Variants in TKT observed in about 807,000 individuals in gnomAD.
The protein encoded by TKT is transketolase, also known as epididymis luminal protein 107.
Under a neutral mutation model 63.9 loss-of-function variants are expected in TKT, and 47 were observed. That is an observed-to-expected ratio of 0.74 (90% confidence interval 0.58 to 0.94). The LOEUF (loss-of-function observed/expected upper bound fraction) is 0.94, where lower values mean the gene tolerates loss of function less well. TKT is among the 40% of genes least tolerant of loss of function. The pLI, the probability that TKT is intolerant of heterozygous loss-of-function variation, is 0.00. For synonymous variants in TKT, 338 were observed against 334.1 expected, an observed-to-expected ratio of 1.01 and a Z score of -0.13; for missense variants, 721 against 846.2, an observed-to-expected ratio of 0.85 and a Z score of 1.84.
At chr3:53,229,536 A>AT in intron 8 of TKT, 100 bp from the exon 9 acceptor site, 4 of 1,312,966 alleles carry the variant, frequency 3.0e-6, no homozygotes, top group Non-Finnish European at 3.1e-6. Flanking sequence ...TTGTATATAG[A>AT]TTGTCCATCC....
intron 3 of TKT, among the ~76,000 whole-genome samples, 191 bp downstream of exon 3, chr3:53,240,941 T>A (rs1705243642): frequency 6.6e-6 from 1 of 152,130 alleles, no homozygotes; most frequent in African/African-American, 2.4e-5. Context: ...CAGAAGGCCT[T>A]CCCCTTTGGC....
intron 5 of TKT, 71 bp downstream of exon 5, chr3:53,234,912 A>C: frequency 6.8e-7 from 1 of 1,465,822 alleles, no homozygotes; most frequent in Non-Finnish European, 9.2e-7. Context: ...CTGCACCTGC[A>C]CCTGCAAAGC....
intron 12 of TKT, 49 bp from the exon 13 acceptor site, chr3:53,226,927 T>C: frequency 1.3e-6 from 2 of 1,558,018 alleles, no homozygotes; most frequent in Non-Finnish European, 8.7e-7. Context: ...TGGGCACCAC[T>C]ATCTGCCCTG....
intron 1 of TKT, among the ~76,000 whole-genome samples, chr3:53,245,245 G>A (rs1261135633): frequency 1.3e-5 from 2 of 149,380 alleles, no homozygotes; most frequent in Non-Finnish European, 3.0e-5. Context: ...GCCAGAGGTT[G>A]CAGTGAGCCA....
chr3:53,232,294 G>T, intron 6 of TKT: 2 of 398,742 alleles, frequency 5.0e-6, no homozygotes, highest in South Asian at 2.6e-4. Context: ...CCAAAGCCAT[G>T]ACAATATCCC....
At position 53,250,363 on chromosome 3, in the gene TKT, G is replaced by A. The variant is rs912234383; in HGVS notation, c.107+5473C>T. Among the ~76,000 whole-genome samples, 3 of 152,158 alleles carry A rather than the reference G, an allele frequency of 2.0e-5. No individual in the cohort carries two copies. The East Asian group carries it at 5.8e-4, about 29-fold the overall frequency. On this transcript the variant is annotated intron_variant, in intron 1 of 13. Coordinates refer to ENST00000462138, the MANE Select transcript of TKT (RefSeq NM_001064.4). ...GGGATACAACCCCAGCCACTTTAAG[G>A]GCACAAAGAGCACCAGGATGTAAAA...
chr3:53,255,797 C>G lies in TKT; in HGVS notation c.107+39G>C, dbSNP rs182193726. 5 of 1,379,542 alleles carry G rather than the reference C, an allele frequency of 3.6e-6. No homozygotes were observed. The African/African-American group carries it at 6.1e-5, about 17-fold the overall frequency. The allele number at this position is 1,379,542 out of a possible 1,614,324, so 85.5% of individuals were successfully genotyped here. A position where few individuals can be genotyped will look rare whatever the true frequency, so the allele number is the denominator to read the frequency against. On this transcript the variant is annotated intron_variant, in intron 1 of 13. Transcript: ENST00000462138. ...CTGGCCGCCGCAGACGCCCCCCGCC[C>G]CGCCCGAGCCGCGTCCCCGGCCGGC...
At chr3:53,229,221 A>G in intron 9 of TKT, 59 bp downstream of exon 9, 1 of 1,612,002 alleles carries the variant, frequency 6.2e-7, no homozygotes, top group Non-Finnish European at 8.5e-7. Flanking sequence ...TCCCCCTCCC[A>G]TACCTCCTGG....
intron 1 of TKT, among the ~76,000 whole-genome samples, chr3:53,247,094 C>T (rs1269243702): frequency 2.7e-5 from 4 of 149,570 alleles, no homozygotes; most frequent in South Asian, 2.1e-4. Context: ...AGGTGGCTCA[C>T]GCCTATAATC....
rs1553675984 is a variant in TKT at position 53,228,124 on chromosome 3, T to A, written c.1505A>T (p.Gln502Leu). The A allele has an allele frequency of 1.9e-6, 3 of 1,613,894 alleles. No homozygotes were observed. In the African/African-American group the frequency reaches 4.0e-5, roughly 22 times the overall value. The change falls in exon 12 of 14, where the codon CAG becomes CTG. Residue 502 changes from glutamine to leucine, a missense_variant. Transcript: ENST00000462138. Reference sequence around the variant, plus strand: ...CACCCCAGCCCCGATAACGGTCACCTGGTCATCCTTGCTCTTCAGGACCAC... The same window carrying A: ...CACCCCAGCCCCGATAACGGTCACCAGGTCATCCTTGCTCTTCAGGACCAC... The part of the protein sequence containing the change: ...AKVVLKSKDD[Q>L]VTVIGAGVTL...
chr3:53,226,627 C>T, intron 13 of TKT, 129 bp downstream of exon 13: 2 of 1,375,996 alleles, frequency 1.5e-6, no homozygotes, highest in Non-Finnish European at 2.0e-6. Context: ...GTCCCAGCTG[C>T]TCTGAGGGAC....
chr3:53,231,070 C>T (rs531880457), intron 7 of TKT, among the ~76,000 whole-genome samples: 1 of 152,250 alleles, frequency 6.6e-6, no homozygotes, highest in South Asian at 2.1e-4. Context: ...CGTGGACCAG[C>T]GATGCAAGAA....
chr3:53,246,375 G>A (rs79646294), intron 1 of TKT, among the ~76,000 whole-genome samples: 3 of 152,148 alleles, frequency 2.0e-5, no homozygotes, highest in Non-Finnish European at 2.9e-5. Context: ...ATCAATAGAC[G>A]AGGTTAACTG....
At chr3:53,240,678 G>A (rs542023564) in intron 3 of TKT, among the ~76,000 whole-genome samples, 7 of 152,306 alleles carry the variant, frequency 4.6e-5, no homozygotes, top group South Asian at 2.1e-4. Flanking sequence ...TTTGCCCCTC[G>A]TGGGGACCCA....
chr3:53,231,217 G>A (rs571052147), intron 7 of TKT, 140 bp downstream of exon 7: 3 of 940,916 alleles, frequency 3.2e-6, no homozygotes, highest in Non-Finnish European at 4.7e-6. Flanking sequence ...GGAAGTGACA[G>A]GAACAACACC....
chr3:53,235,594 G>T, intron 4 of TKT: 1 of 155,590 alleles, frequency 6.4e-6, no homozygotes, highest in Non-Finnish European at 1.4e-5. Flanking sequence ...GACTGGCTGG[G>T]TGGGCCAGTG....
At chr3:53,228,208 C>T (rs1448893397) in intron 11 of TKT, 59 bp from the exon 12 acceptor site, 1 of 1,613,134 alleles carries the variant, frequency 6.2e-7, no homozygotes, top group Non-Finnish European at 8.5e-7. Context: ...TGTGCCCTGA[C>T]TGCTGGGAGT....
intron 1 of TKT, among the ~76,000 whole-genome samples, chr3:53,249,798 C>G (rs1705671454): frequency 6.6e-6 from 1 of 152,190 alleles, no homozygotes; most frequent in Admixed American, 6.5e-5. Context: ...AGGGCAGGAG[C>G]AGAGCCTGCC....
chr3:53,231,522 C>G lies in TKT; in HGVS notation c.777G>C (p.Gly259=), dbSNP rs1704758922. The stretch of plus-strand genomic sequence containing the variant: ...CAGCCATGTTTTTGGGGAGGGGCTT[C>G]CCATGCCAAGACTCCTTATCTTCTA... ...TGVEDKESWH[G]KPLPKNMAEQ... is the part of the protein sequence containing the mutation. Residue 259 remains glycine, a synonymous_variant, in exon 7 of 14, where the codon GGG becomes GGC. Transcript: ENST00000462138. 9 of 1,614,056 alleles carry G rather than the reference C, an allele frequency of 5.6e-6. No homozygotes were observed. Among genetic ancestry groups the G allele is most frequent in the Non-Finnish European group, 7.6e-6 (9 of 1,179,996 alleles).
Sources: gnomAD v4.1 joint callset for allele counts (sites outside exome capture counted in the v4.1 genomes callset) on GRCh38, gnomAD v4.1.1 for gene constraint, MANE v1.5 for transcripts, NCBI Gene and HGNC (gene_info 2026-07-23, HGNC 2026-07-21) for gene names.